Variants in PDZRN4 observed in about 807,000 individuals in gnomAD.
The protein encoded by PDZRN4 is PDZ domain containing ring finger 4, also known as PDZ domain-containing RING finger protein 4.
Under a neutral mutation model 99.0 loss-of-function variants are expected in PDZRN4, and 70 were observed. The observed-to-expected ratio is 0.71, with a 90% CI of 0.58 to 0.86. The LOEUF (loss-of-function observed/expected upper bound fraction) is 0.86, where lower values mean the gene tolerates loss of function less well. Among genes scored for constraint, PDZRN4 ranks in the 40% least tolerant of loss-of-function variants. The probability of loss-of-function intolerance (pLI) is 0.00; values close to 1 mark genes in which losing one functional copy is unlikely to be tolerated. For missense variants in PDZRN4, 1,474 were observed against 1,331.2 expected (o/e 1.11, Z -1.67); for synonymous variants, 551 against 501.6 (o/e 1.10, Z -1.32).
At chr12:41,302,577 G>A (rs777964854) in intron 3 of PDZRN4, among the ~76,000 whole-genome samples, 1 of 152,010 alleles carries the variant, frequency 6.6e-6, no homozygotes, top group Non-Finnish European at 1.5e-5. Flanking sequence ...TGTTCTCTAG[G>A]GAGTGGGTAA....
intron 3 of PDZRN4, among the ~76,000 whole-genome samples, chr12:41,228,810 A>G (rs1459732495): frequency 2.0e-5 from 3 of 152,108 alleles, no homozygotes; most frequent in South Asian, 4.1e-4. Context: ...ATTCAATAGT[A>G]TATACAATGA....
intron 3 of PDZRN4, among the ~76,000 whole-genome samples, chr12:41,431,528 T>C (rs1043950025): frequency 2.0e-5 from 3 of 152,226 alleles, no homozygotes; most frequent in African/African-American, 4.8e-5. Flanking sequence ...TGTTACCTTA[T>C]TTCGTCTTCA....
rs1054065168 is a variant in PDZRN4 at position 41,358,093 on chromosome 12, A to G, written c.844-148363A>G. Among the ~76,000 whole-genome samples the G allele has an allele frequency of 2.0e-5, 3 of 151,980 alleles. 1 individual carries two copies. Among genetic ancestry groups the G allele is most frequent in the Admixed American group, 1.3e-4 (2 of 15,220 alleles). ...CAACTAGCAGGTCTGAAAAAATTCCATTTTGAACGATGTGAATTTGCAGAT... is the reference window on the plus strand; with the variant it reads ...CAACTAGCAGGTCTGAAAAAATTCCGTTTTGAACGATGTGAATTTGCAGAT... On this transcript the variant is annotated intron_variant, in intron 3 of 9. Coordinates refer to ENST00000402685, the MANE Select transcript of PDZRN4 (RefSeq NM_001164595.2).
intron 3 of PDZRN4, among the ~76,000 whole-genome samples, chr12:41,470,766 T>A (rs2120566967): frequency 6.6e-6 from 1 of 152,236 alleles, no homozygotes; most frequent in Middle Eastern, 3.4e-3. Flanking sequence ...ATGATACAGA[T>A]CGCTTCTGCT....
In PDZRN4 at chr12:41,364,303, GT is replaced by G. The variant is rs561871889; in HGVS notation, c.844-142146del. Among the ~76,000 whole-genome samples, 436 of 152,128 alleles carry G rather than the reference GT, an allele frequency of 2.9e-3. 2 individuals carry two copies. Among genetic ancestry groups the G allele is most frequent in the African/African-American group, 9.6e-3 (400 of 41,528 alleles). Reference sequence around the variant, plus strand: ...TTATTATCCAGTAAGCTTTCTGAAAGTTTTTTTCTGAGTGGCAGAACCTCAG... The same window carrying G: ...TTATTATCCAGTAAGCTTTCTGAAAGTTTTTTCTGAGTGGCAGAACCTCAG... On this transcript the variant is annotated intron_variant, in intron 3 of 9. Transcript: ENST00000402685.
intron 3 of PDZRN4, among the ~76,000 whole-genome samples, chr12:41,388,232 C>A (rs1197304938): frequency 2.0e-5 from 3 of 152,022 alleles, no homozygotes; most frequent in Non-Finnish European, 4.4e-5. Context: ...GAACAACACA[C>A]GCTGGGGCCT....
At chr12:41,320,261 C>T (rs1364845037) in intron 3 of PDZRN4, among the ~76,000 whole-genome samples, 1 of 152,142 alleles carries the variant, frequency 6.6e-6, no homozygotes, top group South Asian at 2.1e-4. Context: ...GACTCACAGA[C>T]CTGTGTGGGT....
chr12:41,424,105 C>T (rs1212385462), intron 3 of PDZRN4, among the ~76,000 whole-genome samples: 1 of 152,162 alleles, frequency 6.6e-6, no homozygotes, highest in Non-Finnish European at 1.5e-5. Flanking sequence ...TGGTTTCCTG[C>T]AAGCCCTACT....
At chr12:41,206,203 G>T (rs1190518928) in intron 3 of PDZRN4, among the ~76,000 whole-genome samples, 1 of 151,910 alleles carries the variant, frequency 6.6e-6, no homozygotes, top group Non-Finnish European at 1.5e-5. Context: ...ACACATTTAC[G>T]GGTACATTTG....
rs538563120 is a variant in PDZRN4 at position 41,407,099 on chromosome 12, C to G, written c.844-99357C>G. On this transcript the variant is annotated intron_variant, in intron 3 of 9. Coordinates refer to ENST00000402685, the MANE Select transcript of PDZRN4 (RefSeq NM_001164595.2). Reference sequence around the variant, plus strand: ...ACTTATAGTCCCCATGGACCTTATGCTCTCAGAACTATTCATTTATTTTCT... The same window carrying G: ...ACTTATAGTCCCCATGGACCTTATGGTCTCAGAACTATTCATTTATTTTCT... Among the ~76,000 whole-genome samples the G allele has an allele frequency of 8.2e-4, 125 of 152,248 alleles. 1 individual carries two copies. The highest frequency in any genetic ancestry group is 2.7e-3 in the South Asian group (13 of 4,830).
At chr12:41,540,068 G>A (rs530527640) in intron 5 of PDZRN4, among the ~76,000 whole-genome samples, 80 of 152,274 alleles carry the variant, frequency 5.3e-4, no homozygotes, top group African/African-American at 1.9e-3. Flanking sequence ...TCTAGAATTT[G>A]TGCTATTAAA....
chr12:41,422,694 T>C (rs925602984), intron 3 of PDZRN4, among the ~76,000 whole-genome samples: 9 of 152,144 alleles, frequency 5.9e-5, no homozygotes, highest in African/African-American at 1.4e-4. Context: ...ACGGCCCCCA[T>C]GATCCAATCA....
chr12:41,513,534 C>G (rs1346550084), intron 5 of PDZRN4, among the ~76,000 whole-genome samples: 2 of 151,950 alleles, frequency 1.3e-5, no homozygotes, highest in African/African-American at 4.8e-5. Flanking sequence ...TAAACATATA[C>G]AAATTTAACA....
At chr12:41,192,208 A>G (rs1202152429) in intron 2 of PDZRN4, among the ~76,000 whole-genome samples, 1 of 151,890 alleles carries the variant, frequency 6.6e-6, no homozygotes, top group African/African-American at 2.4e-5. Flanking sequence ...GGTTCAATTG[A>G]TTCTCCTGCC....
At chr12:41,506,089 C>A (rs755351076) in intron 3 of PDZRN4, among the ~76,000 whole-genome samples, 1 of 151,540 alleles carries the variant, frequency 6.6e-6, no homozygotes, top group South Asian at 2.1e-4. Flanking sequence ...AAAATCTCAC[C>A]GAGAGATTGA....
intron 3 of PDZRN4, among the ~76,000 whole-genome samples, chr12:41,433,830 A>T (rs1488779822): frequency 6.6e-6 from 1 of 152,242 alleles, no homozygotes; most frequent in African/African-American, 2.4e-5. Context: ...AGACATAGGC[A>T]CAGCCTCTTT....
intron 1 of PDZRN4, among the ~76,000 whole-genome samples, chr12:41,190,282 G>A (rs1243768321): frequency 6.6e-6 from 1 of 152,148 alleles, no homozygotes; most frequent in East Asian, 1.9e-4. Context: ...ATGGAAGCAC[G>A]TTGTGTATTA....
chr12:41,359,881 A>T (rs2121056102), intron 3 of PDZRN4, among the ~76,000 whole-genome samples: 1 of 152,112 alleles, frequency 6.6e-6, no homozygotes, highest in Non-Finnish European at 1.5e-5. Context: ...TTTCTCCTAG[A>T]AGTTTTGTGT....
chr12:41,520,835 C>T (rs1052807807), intron 5 of PDZRN4, among the ~76,000 whole-genome samples: 12 of 152,086 alleles, frequency 7.9e-5, no homozygotes, highest in South Asian at 2.1e-4. Context: ...AAATAATCTA[C>T]GCCTGTAGTC....
Sources: allele counts gnomAD v4.1 joint callset (sites outside exome capture counted in the v4.1 genomes callset), GRCh38; gene constraint gnomAD v4.1.1; transcripts MANE v1.5; gene names NCBI Gene and HGNC (gene_info 2026-07-23, HGNC 2026-07-21).